FRMD3: variants seen among roughly 807,000 people sequenced by gnomAD.
FRMD3 encodes the protein FERM domain containing 3, also known as FERM domain-containing protein 3.
Under a neutral mutation model 70.2 loss-of-function variants are expected in FRMD3, and 33 were observed. The observed-to-expected ratio is 0.47, with a 90% CI of 0.36 to 0.63. FRMD3 has a LOEUF of 0.63. FRMD3 is among the 20% of genes least tolerant of loss of function. The pLI is 0.00. For missense variants in FRMD3, 632 were observed against 711.4 expected (o/e 0.89, Z 1.27); for synonymous variants, 279 against 255.9 (o/e 1.09, Z -0.86).
rs1056476 is a variant in FRMD3 at position 83,247,450 on chromosome 9, G to A, written c.*468C>T. ...ACATAAAAATATTTTTAAAAAAACA[G>A]AACCAAAAACCCAGCATAAATTTAG... On this transcript the variant is annotated 3_prime_UTR_variant, in exon 14 of 14. Coordinates refer to ENST00000304195, the MANE Select transcript of FRMD3 (RefSeq NM_174938.6). The A allele has an allele frequency of 0.5, 488,655 of 980,112 alleles. 125,045 individuals are homozygous for A. Among genetic ancestry groups the A allele is most frequent in the East Asian group, 0.82 (7,111 of 8,702 alleles). 60.7% of individuals were successfully genotyped at this position (980,112 alleles called of 1,614,324 possible).
chr9:83,538,527 A>G (rs1829954760), upstream of FRMD3: 2 of 266,196 alleles, frequency 7.5e-6, no homozygotes, highest in Non-Finnish European at 1.4e-5. The surrounding 1 kb of genome is among the most constrained non-coding windows in gnomAD (Gnocchi z 4.7). Context: ...CCAGAGCCTG[A>G]GACCCCCGGC....
At chr9:83,575,541 A>G in the FRMD3 span, among the ~76,000 whole-genome samples, 1 of 152,132 alleles carries the variant, frequency 6.6e-6, no homozygotes, top group South Asian at 2.1e-4. Flanking sequence ...GTGACTAGGG[A>G]ATTCTCCCAC....
At chr9:83,255,432 T>C (rs1189220116) in intron 13 of FRMD3, among the ~76,000 whole-genome samples, 7 of 152,104 alleles carry the variant, frequency 4.6e-5, no homozygotes, top group African/African-American at 9.7e-5. Context: ...TCATACTAAA[T>C]AGGCAAAAGC....
intron 1 of FRMD3, among the ~76,000 whole-genome samples, chr9:83,514,496 G>A (rs1022821530): frequency 2.0e-5 from 3 of 152,186 alleles, no homozygotes; most frequent in Admixed American, 1.3e-4. Context: ...CCATCTCCCT[G>A]GGACAGAGCA....
downstream of FRMD3, chr9:83,243,136 G>A (rs41282407): frequency 2.0e-3 from 3,065 of 1,511,526 alleles, 4 homozygotes; most frequent in Non-Finnish European, 2.5e-3. Flanking sequence ...AGTCACAGAC[G>A]GAGGCTGGAA....
intron 13 of FRMD3, among the ~76,000 whole-genome samples, chr9:83,283,196 G>A (rs540816190): frequency 6.6e-6 from 1 of 152,250 alleles, no homozygotes; most frequent in South Asian, 2.1e-4. Flanking sequence ...TCCTACCCTA[G>A]AGGAGTTGCT....
rs941443166 is a variant in FRMD3 at position 83,247,079 on chromosome 9, G to A, written c.*839C>T. 74 of 984,956 alleles carry A rather than the reference G, an allele frequency of 7.5e-5. No individual in the cohort carries two copies. In the Admixed American group the frequency reaches 4.0e-3, roughly 53 times the overall value. The allele number at this position is 984,956 out of a possible 1,614,324, so 61.0% of individuals were successfully genotyped here. ...ATCTGCTTCTCCAGCCAAAATATAC[G>A]GACAGAATACAAATGAAAATAACAA... On this transcript the variant is annotated 3_prime_UTR_variant, in exon 14 of 14. Coordinates refer to ENST00000304195, the MANE Select transcript of FRMD3 (RefSeq NM_174938.6).
chr9:83,244,240 G>A (rs985224342), downstream of FRMD3, among the ~76,000 whole-genome samples: 7 of 152,152 alleles, frequency 4.6e-5, no homozygotes, highest in African/African-American at 9.7e-5. Context: ...TCTCTCTGGC[G>A]TGGGAAGGCA....
intron 13 of FRMD3, among the ~76,000 whole-genome samples, chr9:83,253,631 A>T (rs996043574): frequency 7.2e-5 from 11 of 152,312 alleles, no homozygotes; most frequent in African/African-American, 2.4e-4. Flanking sequence ...GCTGGAGAGG[A>T]TGTGGAGAAA....
At chr9:83,340,457 C>G (rs1014894291) in intron 5 of FRMD3, among the ~76,000 whole-genome samples, 5 of 152,128 alleles carry the variant, frequency 3.3e-5, no homozygotes, top group African/African-American at 1.2e-4. Flanking sequence ...GCTGCTTTAG[C>G]TCGAGTGGTC....
intron 13 of FRMD3, among the ~76,000 whole-genome samples, chr9:83,259,967 G>A (rs1479014912): frequency 6.6e-6 from 1 of 152,112 alleles, no homozygotes; most frequent in Non-Finnish European, 1.5e-5. Flanking sequence ...AAAGAGCAGT[G>A]GCCTAAGACA....
chr9:83,577,613 T>C, the FRMD3 span, among the ~76,000 whole-genome samples: 48,375 of 151,816 alleles, frequency 0.32, 8,517 homozygotes, highest in Non-Finnish European at 0.38. Context: ...GGAGAAAACA[T>C]AGGTAGAAAT....
intron 6 of FRMD3, among the ~76,000 whole-genome samples, chr9:83,316,046 T>C (rs1365326081): frequency 1.3e-5 from 2 of 152,166 alleles, no homozygotes; most frequent in Non-Finnish European, 2.9e-5. Flanking sequence ...GATCCAAAGA[T>C]GATATTTTCT....
chr9:83,427,964 G>T (rs979234052), intron 1 of FRMD3, among the ~76,000 whole-genome samples: 11 of 152,170 alleles, frequency 7.2e-5, no homozygotes, highest in Non-Finnish European at 1.0e-4. Flanking sequence ...AAGTAAGCGC[G>T]ACCAGTTTAG....
At chr9:83,567,251 C>T in the FRMD3 span, among the ~76,000 whole-genome samples, 1 of 152,216 alleles carries the variant, frequency 6.6e-6, no homozygotes, top group Non-Finnish European at 1.5e-5. Flanking sequence ...TCAGCCACAG[C>T]TGGAGCAGCT....
rs561705423 is a variant in FRMD3 at position 83,397,982 on chromosome 9, G to A, written c.148-8274C>T. The stretch of plus-strand genomic sequence containing the variant: ...GGCCTTGATTCATTTACCTTCATAG[G>A]CAGATGAATACAGAATAGTAATGAG... On this transcript the variant is annotated intron_variant, in intron 1 of 13. Transcript: ENST00000304195. 2.6e-5 allele frequency among the ~76,000 whole-genome samples: 4 copies of A among 152,238 alleles called. No individual in the cohort carries two copies. In the South Asian group the frequency reaches 8.3e-4, roughly 32 times the overall value.
intron 1 of FRMD3, among the ~76,000 whole-genome samples, chr9:83,393,192 G>T (rs908635313): frequency 1.3e-5 from 2 of 152,172 alleles, no homozygotes; most frequent in Non-Finnish European, 2.9e-5. Context: ...AACTTAACTT[G>T]TGTCTCAATA....
At chr9:83,423,585 CT>C (rs869226126) in intron 1 of FRMD3, among the ~76,000 whole-genome samples, 4,084 of 60,106 alleles carry the variant, frequency 0.068, 15 homozygotes, top group East Asian at 0.11. Flanking sequence ...AGCCCTGTTT[CT>C]TTTTTTTTTT....
intron 6 of FRMD3, among the ~76,000 whole-genome samples, chr9:83,326,948 C>A (rs1836043400): frequency 6.6e-6 from 1 of 152,198 alleles, no homozygotes; most frequent in Non-Finnish European, 1.5e-5. Context: ...AACAATTTCC[C>A]TTTTATTGAT....
Sources: gnomAD v4.1 joint callset for allele counts (sites outside exome capture counted in the v4.1 genomes callset) on GRCh38, gnomAD v4.1.1 for gene constraint, Gnocchi (gnomAD v3.1) non-coding constraint, MANE v1.5 for transcripts, NCBI Gene and HGNC (gene_info 2026-07-23, HGNC 2026-07-21) for gene names.